Variants in CDH4 observed in about 807,000 individuals in gnomAD.
CDH4 encodes cadherin 4, also known as cadherin-4.
In CDH4, 33 loss-of-function variants were observed where a neutral mutation model predicts 86.0. The ratio of observed to expected loss-of-function variants is 0.38; its 90% CI spans 0.29 to 0.51. The LOEUF is 0.51. Among genes scored for constraint, CDH4 ranks in the 20% least tolerant of loss-of-function variants. The pLI, the probability that CDH4 is intolerant of heterozygous loss-of-function variation, is 0.86. For missense variants in CDH4, 1,114 were observed against 1,307.4 expected (o/e 0.85, Z 2.28); for synonymous variants, 555 against 549.4 (o/e 1.01, Z -0.14).
At chr20:61,720,408 G>A (rs1276098216) in intron 2 of CDH4, among the ~76,000 whole-genome samples, 1 of 149,992 alleles carries the variant, frequency 6.7e-6, no homozygotes. Flanking sequence ...GGGGTGCGAA[G>A]TGTAAGTGTG....
At chr20:61,718,873 G>A (rs2087996537) in intron 2 of CDH4, 1 of 470,990 alleles carries the variant, frequency 2.1e-6, no homozygotes, top group African/African-American at 2.0e-5. Context: ...CTGCTGTCAG[G>A]CTGGGGATGG....
At chr20:61,772,613 C>T (rs1320936893) in intron 3 of CDH4, among the ~76,000 whole-genome samples, 1 of 152,136 alleles carries the variant, frequency 6.6e-6, no homozygotes, top group Non-Finnish European at 1.5e-5. Context: ...CCTTTTGGGT[C>T]TGTTTTCATA....
intron 2 of CDH4, among the ~76,000 whole-genome samples, chr20:61,304,260 G>T (rs1235742897): frequency 1.6e-5 from 1 of 60,666 alleles, no homozygotes; most frequent in African/African-American, 4.0e-5. Context: ...GATAGTGGAC[G>T]GCACCCCCCC....
chr20:61,741,538 C>T (rs1473758410), intron 2 of CDH4, among the ~76,000 whole-genome samples: 3 of 151,728 alleles, frequency 2.0e-5, no homozygotes, highest in East Asian at 1.9e-4. Flanking sequence ...GTTGCGCAGG[C>T]TGGAGTGCCA....
intron 3 of CDH4, among the ~76,000 whole-genome samples, chr20:61,768,004 T>C (rs1183316366): frequency 3.3e-5 from 5 of 152,152 alleles, no homozygotes; most frequent in Non-Finnish European, 7.4e-5. Flanking sequence ...GAGCTCCTGA[T>C]TCTGCAGATC....
intron 2 of CDH4, among the ~76,000 whole-genome samples, chr20:61,530,997 G>C (rs888478328): frequency 2.6e-5 from 4 of 152,162 alleles, no homozygotes; most frequent in Non-Finnish European, 5.9e-5. Flanking sequence ...AGATGGGTGG[G>C]CCAAGGGAAA....
chr20:61,824,385 C>T (rs1045587904), intron 4 of CDH4, among the ~76,000 whole-genome samples: 5 of 151,942 alleles, frequency 3.3e-5, no homozygotes, highest in Non-Finnish European at 7.4e-5. Flanking sequence ...GATGCCTCCC[C>T]CCAACCCCAG....
rs56374158 is a variant in CDH4 at position 61,313,768 on chromosome 20, G to C, written c.169+58831G>C. ...CATTTTTTGTTTAAGACATGGTCTC[G>C]CTCTGTCACCCAGGCTGGAGTGCAG... On this transcript the variant is annotated intron_variant, in intron 2 of 15. Transcript: ENST00000614565. Among the ~76,000 whole-genome samples the C allele has an allele frequency of 3.9e-5, 6 of 152,144 alleles. No individual in the cohort carries two copies. The East Asian group carries it at 5.8e-4, about 15-fold the overall frequency.
chr20:61,580,380 C>A (rs376004813), intron 2 of CDH4, among the ~76,000 whole-genome samples: 1 of 152,130 alleles, frequency 6.6e-6, no homozygotes, highest in East Asian at 1.9e-4. Context: ...GCTGGCCACC[C>A]GGGAGGTGGA....
intron 2 of CDH4, among the ~76,000 whole-genome samples, chr20:61,385,279 ATC>A (rs1488830632): frequency 6.6e-6 from 1 of 152,084 alleles, no homozygotes; most frequent in Non-Finnish European, 1.5e-5. Flanking sequence ...GCGTTCTGCG[ATC>A]TGTCTCCTAC....
intron 2 of CDH4, among the ~76,000 whole-genome samples, chr20:61,567,485 A>G (rs2086308087): frequency 6.6e-6 from 1 of 152,084 alleles, no homozygotes; most frequent in African/African-American, 2.4e-5. Flanking sequence ...TTTATAATGT[A>G]ATTAACCCCA....
intron 2 of CDH4, among the ~76,000 whole-genome samples, chr20:61,597,194 A>G: frequency 6.6e-6 from 1 of 152,210 alleles, no homozygotes; most frequent in East Asian, 1.9e-4. Context: ...GGGGAATAAA[A>G]GAGGTGAATT....
At chr20:61,379,538 CGG>C (rs2084889091) in intron 2 of CDH4, among the ~76,000 whole-genome samples, 1 of 152,004 alleles carries the variant, frequency 6.6e-6, no homozygotes, top group African/African-American at 2.4e-5. Context: ...CCCAAGCCAG[CGG>C]CTGCAGGGAG....
At chr20:61,886,356 C>G (rs113644216) in intron 7 of CDH4, among the ~76,000 whole-genome samples, 4 of 152,262 alleles carry the variant, frequency 2.6e-5, no homozygotes, top group East Asian at 1.9e-4. Context: ...GATGGCTGTT[C>G]TGCAAAATTT....
Position 61,252,557 on chromosome 20 carries a change from C to T in CDH4, c.44C>T (p.Ser15Phe). 1.7e-5 allele frequency: 21 copies of T among 1,205,042 alleles called. No homozygotes were observed. Among genetic ancestry groups the T allele is most frequent in the Non-Finnish European group, 2.2e-5 (21 of 970,504 alleles). 74.6% of individuals were successfully genotyped at this position (1,205,042 alleles called of 1,614,324 possible). A position where few individuals can be genotyped will look rare whatever the true frequency, so the allele number is the denominator to read the frequency against. ...AGVLLLLLSL[S>F]GALRAHNEDL... Reference sequence around the variant, plus strand: ...GTGCTCCTTCTGCTGCTCTCGCTCTCCGGCGCGCTCCGGGTAAGTTGCCGC... The same window carrying T: ...GTGCTCCTTCTGCTGCTCTCGCTCTTCGGCGCGCTCCGGGTAAGTTGCCGC... Residue 15 changes from serine (S) to phenylalanine (F), a missense_variant, in exon 1 of 16, where the codon TCC becomes TTC. Transcript: ENST00000614565. This position sits in a 1 kb window ranked among gnomAD's most constrained non-coding sequence, Gnocchi z 4.4.
At chr20:61,757,800 G>T (rs2145964733) in intron 3 of CDH4, among the ~76,000 whole-genome samples, 1 of 152,328 alleles carries the variant, frequency 6.6e-6, no homozygotes, top group South Asian at 2.1e-4. Context: ...GGAGGGAGGA[G>T]CGAGTGGTAC....
intron 2 of CDH4, among the ~76,000 whole-genome samples, chr20:61,523,858 A>C (rs569779621): frequency 6.6e-6 from 1 of 152,374 alleles, no homozygotes; most frequent in African/African-American, 2.4e-5. Flanking sequence ...TTCTTTACCA[A>C]AAAAGTCAAA....
At position 61,929,828 on chromosome 20, in the gene CDH4, T is replaced by C. The variant is rs1379668540; in HGVS notation, c.2225T>C (p.Ile742Thr). ...TGAIVAILICILILLTMVLLF... is the reference protein window; with the variant it reads ...TGAIVAILICTLILLTMVLLF... ...GCCATCGTGGCCATCCTCATCTGCA[T>C]CCTCATCCTGCTGAGTGAGTGTGGC... Residue 742 changes from isoleucine to threonine, a missense_variant, in exon 13 of 16, where the codon ATC becomes ACC. By Grantham distance (89) the Ile-to-Thr change is moderately conservative (BLOSUM62 -1). Transcript: ENST00000614565. 1 of 1,613,726 alleles carries C rather than the reference T, an allele frequency of 6.2e-7. No individual in the cohort carries two copies. The highest frequency in any genetic ancestry group is 8.5e-7 in the Non-Finnish European group (1 of 1,179,822).
chr20:61,724,229 C>T (rs569325824), intron 2 of CDH4, among the ~76,000 whole-genome samples: 2 of 152,220 alleles, frequency 1.3e-5, no homozygotes, highest in East Asian at 1.9e-4. Flanking sequence ...GTTGGGTGGA[C>T]CCAGCGGGCT....
Sources: allele counts gnomAD v4.1 joint callset (sites outside exome capture counted in the v4.1 genomes callset), GRCh38; gene constraint gnomAD v4.1.1; non-coding constraint Gnocchi (gnomAD v3.1); transcripts MANE v1.5; gene names NCBI Gene and HGNC (gene_info 2026-07-23, HGNC 2026-07-21).